Variants in FBXW4 observed in about 807,000 individuals in gnomAD.
The protein encoded by FBXW4 is F-box/WD repeat-containing protein 4.
In FBXW4, 40 loss-of-function variants were observed where a neutral mutation model predicts 61.8. That is an observed-to-expected ratio of 0.65 (90% confidence interval 0.50 to 0.84). The LOEUF (loss-of-function observed/expected upper bound fraction) is 0.84, where lower values mean the gene tolerates loss of function less well. Among genes scored for constraint, FBXW4 ranks in the 40% least tolerant of loss-of-function variants. The pLI is 0.00. For missense variants in FBXW4, 672 were observed against 753.8 expected (o/e 0.89, Z 1.27); for synonymous variants, 311 against 313.8 (o/e 0.99, Z 0.10).
intron 6 of FBXW4, among the ~76,000 whole-genome samples, chr10:101,620,651 T>C (rs2063860676): frequency 6.6e-6 from 1 of 152,204 alleles, no homozygotes; most frequent in Non-Finnish European, 1.5e-5. Context: ...TTTTTAATTT[T>C]TTTTTGATAA....
At chr10:101,689,133 G>T (rs935156993) in intron 1 of FBXW4, among the ~76,000 whole-genome samples, 1 of 10,850 alleles carries the variant, frequency 9.2e-5, no homozygotes, top group Non-Finnish European at 2.1e-4. Context: ...GGTTCCAGGT[G>T]CAAAAAAAAA....
intron 5 of FBXW4, among the ~76,000 whole-genome samples, chr10:101,642,845 C>A (rs2064065523): frequency 6.6e-6 from 1 of 152,166 alleles, no homozygotes; most frequent in South Asian, 2.1e-4. Context: ...GCCACCAGGC[C>A]CTCCTTTAAA....
intron 5 of FBXW4, among the ~76,000 whole-genome samples, chr10:101,635,855 A>AT (rs914960782): frequency 6.6e-6 from 1 of 151,348 alleles, no homozygotes; most frequent in Non-Finnish European, 1.5e-5. Flanking sequence ...AAAAAAAAAA[A>AT]AAGAGAGATG....
chr10:101,617,847 G>A (rs2063837763), intron 6 of FBXW4, among the ~76,000 whole-genome samples: 1 of 151,840 alleles, frequency 6.6e-6, no homozygotes, highest in South Asian at 2.1e-4. Flanking sequence ...AGTTAAGGGG[G>A]GAGAAAGAAA....
intron 1 of FBXW4, among the ~76,000 whole-genome samples, chr10:101,684,030 C>G (rs936880216): frequency 6.6e-6 from 1 of 152,198 alleles, no homozygotes; most frequent in Non-Finnish European, 1.5e-5. Context: ...GTAGCACAAT[C>G]TGGGCTCAAC....
At chr10:101,624,993 G>A in intron 5 of FBXW4, 183 bp from the exon 6 acceptor site, 4 of 670,480 alleles carry the variant, frequency 6.0e-6, no homozygotes, top group Non-Finnish European at 2.6e-6. Flanking sequence ...TGTGAGGGGT[G>A]TAGCCCCCAG....
chr10:101,612,052 C>G (rs2063791271), intron 7 of FBXW4, among the ~76,000 whole-genome samples: 1 of 152,254 alleles, frequency 6.6e-6, no homozygotes, highest in Non-Finnish European at 1.5e-5. Context: ...GTTGAAGTAA[C>G]ACAGGCCTCA....
chr10:101,679,888 C>CA (rs1184801046), intron 1 of FBXW4, among the ~76,000 whole-genome samples: 2 of 152,074 alleles, frequency 1.3e-5, no homozygotes, highest in African/African-American at 4.8e-5. Context: ...CTTACCCCCC[C>CA]ACCTTCCTCC....
intron 1 of FBXW4, among the ~76,000 whole-genome samples, chr10:101,686,941 T>C (rs1175164820): frequency 6.6e-6 from 1 of 152,092 alleles, no homozygotes; most frequent in Non-Finnish European, 1.5e-5. Flanking sequence ...ATTCAACTTT[T>C]TGATGTAGAC....
chr10:101,692,208 A>C (rs978701854), intron 1 of FBXW4, among the ~76,000 whole-genome samples: 5 of 152,022 alleles, frequency 3.3e-5, no homozygotes, highest in Non-Finnish European at 7.4e-5. Context: ...TATTTAAAAT[A>C]GTATGGAAAT....
intron 7 of FBXW4, 99 bp downstream of exon 7, chr10:101,612,238 G>GTCTC (rs2063792818): frequency 7.7e-7 from 1 of 1,293,616 alleles, no homozygotes. Flanking sequence ...CTGACATGGA[G>GTCTC]TCTCTGTGCC....
At chr10:101,636,071 C>T (rs2063998995) in intron 5 of FBXW4, among the ~76,000 whole-genome samples, 1 of 151,918 alleles carries the variant, frequency 6.6e-6, no homozygotes, top group African/African-American at 2.4e-5. Flanking sequence ...CAAATTAGGC[C>T]AGGCGTGGTG....
chr10:101,686,652 G>GT (rs989068989), intron 1 of FBXW4, among the ~76,000 whole-genome samples: 6 of 152,184 alleles, frequency 3.9e-5, no homozygotes, highest in African/African-American at 1.2e-4. Flanking sequence ...TCCCAGGGTT[G>GT]TTTTTTATTG....
intron 5 of FBXW4, 132 bp from the exon 6 acceptor site, chr10:101,624,942 G>A: frequency 1.1e-6 from 1 of 946,044 alleles, no homozygotes; most frequent in Admixed American, 2.0e-5. Context: ...AAGTGGCCAA[G>A]GGAGCCATCA....
intron 5 of FBXW4, among the ~76,000 whole-genome samples, chr10:101,663,095 T>G (rs1374475412): frequency 6.6e-6 from 1 of 152,198 alleles, no homozygotes; most frequent in Admixed American, 6.5e-5. Flanking sequence ...GCTAGGGAAC[T>G]GGGTACAAAC....
At chr10:101,658,482 T>C (rs1240872479) in intron 5 of FBXW4, among the ~76,000 whole-genome samples, 1 of 152,096 alleles carries the variant, frequency 6.6e-6, no homozygotes, top group Admixed American at 6.5e-5. Context: ...GAGGCGGAAG[T>C]TGCAGTGAGC....
chr10:101,662,255 C>A (rs2064251859), intron 5 of FBXW4, among the ~76,000 whole-genome samples: 1 of 152,130 alleles, frequency 6.6e-6, no homozygotes, highest in African/African-American at 2.4e-5. Context: ...TGGGAACAAA[C>A]ACCCTCCTTT....
At position 101,628,041 on chromosome 10, in the gene FBXW4, G is replaced by A. The variant is rs1302074304; in HGVS notation, c.1236-3231C>T. 1.2e-5 allele frequency: 11 copies of A among 933,832 alleles called. No homozygotes were observed. In the South Asian group the frequency reaches 2.0e-4, roughly 17 times the overall value. 57.8% of individuals were successfully genotyped at this position (933,832 alleles called of 1,614,324 possible). A position where few individuals can be genotyped will look rare whatever the true frequency, so the allele number is the denominator to read the frequency against. On this transcript the variant is annotated intron_variant, in intron 5 of 8. Coordinates refer to ENST00000331272, the MANE Select transcript of FBXW4 (RefSeq NM_022039.4). ...ACCAGATTCTCGTCACATCCCTCACGGTGCTGGCTCCTGTGCTAGGCGTGT... is the reference window on the plus strand; with the variant it reads ...ACCAGATTCTCGTCACATCCCTCACAGTGCTGGCTCCTGTGCTAGGCGTGT...
chr10:101,674,254 G>A (rs896432539), intron 2 of FBXW4, among the ~76,000 whole-genome samples: 1 of 151,936 alleles, frequency 6.6e-6, no homozygotes, highest in South Asian at 2.1e-4. Context: ...GCTTGAACCT[G>A]GGAGGCGGAG....
Sources: gnomAD v4.1 joint callset for allele counts (sites outside exome capture counted in the v4.1 genomes callset) on GRCh38, gnomAD v4.1.1 for gene constraint, MANE v1.5 for transcripts, NCBI Gene and HGNC (gene_info 2026-07-23, HGNC 2026-07-21) for gene names.